Variants in LRRC49 observed in about 807,000 individuals in gnomAD.
The protein encoded by LRRC49 is leucine rich repeat containing 49.
LRRC49 carries 50 observed loss-of-function variants against 83.3 expected under a neutral mutation model. The observed-to-expected ratio is 0.60, with a 90% CI of 0.48 to 0.76. LRRC49 has a LOEUF of 0.76. LRRC49 is among the 30% of genes least tolerant of loss of function. The pLI is 0.00. For missense variants in LRRC49, 704 were observed against 809.1 expected, an observed-to-expected ratio of 0.87 and a Z score of 1.58; for synonymous variants, 286 against 283.3, an observed-to-expected ratio of 1.01 and a Z score of -0.10.
chr15:70,910,155 G>A (rs928606998), intron 5 of LRRC49, among the ~76,000 whole-genome samples: 1 of 152,066 alleles, frequency 6.6e-6, no homozygotes, highest in African/African-American at 2.4e-5. Context: ...GTGTGATAAG[G>A]GAGTGAAGAA....
intron 12 of LRRC49, 109 bp from the exon 13 acceptor site, chr15:71,009,698 C>T: frequency 1.5e-6 from 1 of 689,136 alleles, no homozygotes; most frequent in East Asian, 2.8e-5. Flanking sequence ...ATTTGCTAAG[C>T]CTAAAGTTTA....
intron 14 of LRRC49, among the ~76,000 whole-genome samples, chr15:71,027,844 G>C (rs1038980921): frequency 6.6e-6 from 1 of 152,180 alleles, no homozygotes; most frequent in African/African-American, 2.4e-5. Flanking sequence ...GAGTTTTTGG[G>C]CTGAGACAAT....
chr15:70,890,961 A>G (rs2033540999), upstream of LRRC49, among the ~76,000 whole-genome samples: 1 of 152,180 alleles, frequency 6.6e-6, no homozygotes, highest in Admixed American at 6.5e-5. Flanking sequence ...TATCTTAATA[A>G]TTGCAAGATG....
chr15:70,878,729 C>T (rs947133510), intron 2 of LRRC49, among the ~76,000 whole-genome samples: 4 of 152,092 alleles, frequency 2.6e-5, no homozygotes, highest in South Asian at 2.1e-4. Flanking sequence ...TTTTCTCTTT[C>T]GTTCTCTTAA....
intron 11 of LRRC49, among the ~76,000 whole-genome samples, chr15:70,991,969 A>G (rs1218211761): frequency 4.6e-5 from 7 of 152,242 alleles, no homozygotes; most frequent in Non-Finnish European, 8.8e-5. Flanking sequence ...TAGTTATAGA[A>G]TTAACTTATA....
intron 11 of LRRC49, among the ~76,000 whole-genome samples, chr15:71,004,647 T>TAAAA (rs35055682): frequency 8.2e-6 from 1 of 121,890 alleles, no homozygotes; most frequent in Non-Finnish European, 1.7e-5. Context: ...GAAACTGTGT[T>TAAAA]AAAAAAAAAA....
intron 9 of LRRC49, among the ~76,000 whole-genome samples, chr15:70,979,798 C>T (rs1024890667): frequency 2.6e-5 from 4 of 152,042 alleles, no homozygotes; most frequent in Admixed American, 6.6e-5. Context: ...TGATGCACAG[C>T]GTACAAAAGG....
chr15:70,932,169 A>G (rs1385744149), intron 7 of LRRC49, among the ~76,000 whole-genome samples: 1 of 152,220 alleles, frequency 6.6e-6, no homozygotes, highest in East Asian at 1.9e-4. Context: ...AATGGGTAGT[A>G]AACAAGTACA....
At chr15:71,048,018 C>T (rs1402826155) in intron 15 of LRRC49, among the ~76,000 whole-genome samples, 1 of 151,898 alleles carries the variant, frequency 6.6e-6, no homozygotes, top group Non-Finnish European at 1.5e-5. Flanking sequence ...GCAAGTGATC[C>T]ACCCACCTTG....
chr15:70,984,462 A>AT, intron 11 of LRRC49: 1 of 429,396 alleles, frequency 2.3e-6, no homozygotes, highest in Non-Finnish European at 4.0e-6. Context: ...GGCATTTCAT[A>AT]TTTTTTATAG....
intron 6 of LRRC49, among the ~76,000 whole-genome samples, chr15:70,913,353 T>C (rs894831833): frequency 6.6e-6 from 1 of 152,204 alleles, no homozygotes; most frequent in Admixed American, 6.5e-5. Context: ...TAGGTTCGAA[T>C]CTAGTTCAGC....
In LRRC49 at chr15:71,003,905, A is replaced by G. The variant is rs150573839; in HGVS notation, c.1170-4474A>G. 5.3e-5 allele frequency among the ~76,000 whole-genome samples: 8 copies of G among 152,224 alleles called. No individual in the cohort carries two copies. The East Asian group carries it at 9.7e-4, about 18-fold the overall frequency. On this transcript the variant is annotated intron_variant, in intron 11 of 15. Transcript: ENST00000260382. ...ATATGGTCTAGTTGACACTTTTGCA[A>G]TGGTCTCTTACTCATCCCCTACATT... is the stretch of plus-strand genomic sequence containing the variant.
Position 71,009,513 on chromosome 15 carries a change from T to G in LRRC49, c.1408-294T>G, listed in dbSNP as rs150737452. 3.2e-5 allele frequency: 7 copies of G among 221,922 alleles called. No individual in the cohort carries two copies. The East Asian group carries it at 6.6e-4, about 21-fold the overall frequency. 13.7% of individuals were successfully genotyped at this position (221,922 alleles called of 1,614,324 possible). ...AAAATCAATAATTCCTGAAAGAATCTGCATTATTTGATATTTATGTATCTT... is the reference window on the plus strand; with the variant it reads ...AAAATCAATAATTCCTGAAAGAATCGGCATTATTTGATATTTATGTATCTT... On this transcript the variant is annotated intron_variant, in intron 12 of 15. Transcript: ENST00000260382.
Position 71,051,291 on chromosome 15 carries a change from A to G in LRRC49, c.*1679A>G, listed in dbSNP as rs1027880631. 1.3e-5 allele frequency: 2 copies of G among 152,258 alleles called. No homozygotes were observed. The highest frequency in any genetic ancestry group is 4.8e-5 in the African/African-American group (2 of 41,470). 9.4% of individuals were successfully genotyped at this position (152,258 alleles called of 1,614,324 possible). A position where few individuals can be genotyped will look rare whatever the true frequency, so the allele number is the denominator to read the frequency against. On this transcript the variant is annotated 3_prime_UTR_variant, in exon 16 of 16. Transcript: ENST00000260382. The stretch of plus-strand genomic sequence containing the variant: ...TTCTCATCATGCCTGGCACACAGCA[A>G]ACACCCAATACGTTGAGCTTTAATT...
intron 12 of LRRC49, among the ~76,000 whole-genome samples, chr15:71,008,993 CAA>C: frequency 1.3e-5 from 2 of 151,908 alleles, no homozygotes; most frequent in South Asian, 4.2e-4. Context: ...TGTCCCCTAA[CAA>C]TGTTGAAAAT....
At chr15:70,955,492 T>G (rs2036367229) in intron 8 of LRRC49, among the ~76,000 whole-genome samples, 1 of 152,226 alleles carries the variant, frequency 6.6e-6, no homozygotes, top group Non-Finnish European at 1.5e-5. Flanking sequence ...TAATCCAGTT[T>G]TGAGGGTCTT....
chr15:70,886,832 C>G (rs112633788), intron 2 of LRRC49, among the ~76,000 whole-genome samples: 9 of 151,866 alleles, frequency 5.9e-5, no homozygotes, highest in African/African-American at 2.2e-4. Flanking sequence ...CGCCACTGCA[C>G]TCCAGCCTGT....
At chr15:70,878,058 G>A (rs1318309044) in intron 2 of LRRC49, among the ~76,000 whole-genome samples, 1 of 152,130 alleles carries the variant, frequency 6.6e-6, no homozygotes, top group Admixed American at 6.5e-5. Flanking sequence ...GCGTGAACCC[G>A]GGAGGCAGAG....
chr15:70,919,027 C>A (rs981510903), intron 6 of LRRC49, 23 bp from the exon 7 acceptor site: 1 of 1,593,096 alleles, frequency 6.3e-7, no homozygotes. Flanking sequence ...TGCTAATCAC[C>A]CTTCTCCTAT....
Sources: gnomAD v4.1 joint callset for allele counts (sites outside exome capture counted in the v4.1 genomes callset) on GRCh38, gnomAD v4.1.1 for gene constraint, MANE v1.5 for transcripts, NCBI Gene and HGNC (gene_info 2026-07-23, HGNC 2026-07-21) for gene names.